The following MED12L variants were observed in gnomAD, a reference collection of about 807,000 sequenced individuals.
MED12L encodes the protein mediator of RNA polymerase II transcription subunit 12-like protein.
In MED12L, 60 loss-of-function variants were observed where a neutral mutation model predicts 281.3. The observed-to-expected ratio is 0.21, with a 90% confidence interval of 0.17 to 0.26. The LOEUF (loss-of-function observed/expected upper bound fraction) is 0.26, where lower values mean the gene tolerates loss of function less well. Among genes scored for constraint, MED12L ranks in the 10% least tolerant of loss-of-function variants. MED12L has a pLI of 1.00. For missense variants in MED12L, 2,146 were observed against 2,680.9 expected (o/e 0.80, Z 4.41); for synonymous variants, 974 against 987.2 (o/e 0.99, Z 0.25).
rs543564365 is a variant in MED12L, at chr3:151,155,596, T to G, written c.557-565T>G. On this transcript the variant is annotated intron_variant, in intron 5 of 44. Coordinates refer to ENST00000687756, the MANE Select transcript of MED12L (RefSeq NM_001393769.1). Reference sequence around the variant, plus strand: ...TGGGGCAGTGCGGGTTGGAATGCTTTCATGGTCCAGCCCGCAGTGAATGAA... The same window carrying G: ...TGGGGCAGTGCGGGTTGGAATGCTTGCATGGTCCAGCCCGCAGTGAATGAA... Among the ~76,000 whole-genome samples the G allele has an allele frequency of 5.3e-5, 8 of 152,328 alleles. No homozygotes were observed. The South Asian group carries it at 1.5e-3, about 28-fold the overall frequency.
In MED12L at chr3:151,413,134, GC is replaced by G; in HGVS notation, c.6141-3del. 1 of 1,609,748 alleles carries G rather than the reference GC, an allele frequency of 6.2e-7. No homozygotes were observed. Among genetic ancestry groups the G allele is most frequent in the Non-Finnish European group, 8.5e-7 (1 of 1,176,496 alleles). On this transcript the variant is annotated splice_polypyrimidine_tract_variant and splice_region_variant and intron_variant, in intron 41 of 44. Transcript: ENST00000687756. ...CCTGAACCAAGTTGCATTATTCTTT[GC>G]CAGACTGAACCATCAGGCTCTACAG...
chr3:151,381,995 C>T (rs942689763), intron 32 of MED12L, among the ~76,000 whole-genome samples: 2 of 152,118 alleles, frequency 1.3e-5, no homozygotes, highest in Non-Finnish European at 2.9e-5. Flanking sequence ...TTTTGAATTG[C>T]ACTTTTTTTT....
At chr3:151,140,408 C>T (rs745996189) in intron 5 of MED12L, among the ~76,000 whole-genome samples, 10 of 152,172 alleles carry the variant, frequency 6.6e-5, no homozygotes, top group South Asian at 4.1e-4. Flanking sequence ...CCTTTCTCCC[C>T]CTCCACCAGC....
intron 5 of MED12L, among the ~76,000 whole-genome samples, chr3:151,132,876 G>A (rs1715600213): frequency 6.6e-6 from 1 of 152,198 alleles, no homozygotes; most frequent in Non-Finnish European, 1.5e-5. Flanking sequence ...ATTTGGCTGT[G>A]TAGACATAGC....
chr3:151,191,709 C>G (rs541743763), intron 14 of MED12L, among the ~76,000 whole-genome samples: 21 of 152,262 alleles, frequency 1.4e-4, no homozygotes, highest in Admixed American at 1.2e-3. Flanking sequence ...GAGTTTGAGA[C>G]TAGCCTGACC....
At chr3:151,106,468 C>T (rs546214665) in intron 2 of MED12L, among the ~76,000 whole-genome samples, 1 of 151,798 alleles carries the variant, frequency 6.6e-6, no homozygotes. Flanking sequence ...GCCACCATGC[C>T]CCGCCTGATG....
chr3:151,388,161 T>A lies in MED12L; in HGVS notation c.5440T>A (p.Ser1814Thr), dbSNP rs140793301. 6.3e-7 allele frequency: 1 copy of A among 1,598,732 alleles called. No homozygotes were observed. Among genetic ancestry groups the A allele is most frequent in the Non-Finnish European group, 8.5e-7 (1 of 1,177,014 alleles). Reference protein sequence around the residue: ...KGRKRKTKSSSRVDEYPQSNI... With the variant: ...KGRKRKTKSSTRVDEYPQSNI... ...AAGGAAGCGCAAGACGAAATCTAGC[T>A]CAAGAGTTGATGTAAGTGGGGAAAG... Residue 1814 changes from serine to threonine, a missense_variant, in exon 37 of 45, where the codon TCA becomes ACA. Physicochemically the swap from Ser to Thr is moderately conservative, Grantham distance 58 (BLOSUM62 1). Transcript: ENST00000687756.
intron 16 of MED12L, chr3:151,329,389 T>C: frequency 1.4e-6 from 1 of 724,518 alleles, no homozygotes; most frequent in Admixed American, 2.8e-5. Flanking sequence ...AACTATGGTT[T>C]GTAGAATATT....
intron 14 of MED12L, among the ~76,000 whole-genome samples, chr3:151,191,404 A>C (rs551307426): frequency 6.6e-6 from 1 of 152,228 alleles, no homozygotes; most frequent in Non-Finnish European, 1.5e-5. Context: ...TCAGTTAATT[A>C]AAAGTTTAAT....
At chr3:151,193,758 C>T (rs1724278938) in intron 16 of MED12L, 92 bp downstream of exon 16, 5 of 1,153,098 alleles carry the variant, frequency 4.3e-6, no homozygotes, top group Middle Eastern at 3.0e-4. Context: ...GTATTCTTGA[C>T]TAATAATGAT....
intron 16 of MED12L, among the ~76,000 whole-genome samples, chr3:151,281,364 TGC>T (rs1697436461): frequency 6.6e-6 from 1 of 151,686 alleles, no homozygotes; most frequent in Non-Finnish European, 1.5e-5. Context: ...GAGCTGAGAT[TGC>T]GCCACTGTAC....
At chr3:151,140,933 T>A (rs935632646) in intron 5 of MED12L, among the ~76,000 whole-genome samples, 8 of 152,126 alleles carry the variant, frequency 5.3e-5, no homozygotes, top group African/African-American at 1.9e-4. Flanking sequence ...AGTGGCACGA[T>A]CTCGGCTCAC....
At chr3:151,257,944 T>A (rs920920788) in intron 16 of MED12L, among the ~76,000 whole-genome samples, 3 of 152,230 alleles carry the variant, frequency 2.0e-5, no homozygotes, top group Non-Finnish European at 4.4e-5. Context: ...CCTCTCTAGC[T>A]TCTTTTAGGC....
chr3:151,149,530 C>G (rs1023751035), intron 5 of MED12L, among the ~76,000 whole-genome samples: 6 of 151,862 alleles, frequency 4.0e-5, no homozygotes, highest in Non-Finnish European at 7.4e-5. Flanking sequence ...GAAGGTCTTG[C>G]CTCAGGGTTG....
At chr3:151,411,232 G>A (rs202155743) in intron 40 of MED12L, 46 bp from the exon 41 acceptor site, 1 of 1,533,108 alleles carries the variant, frequency 6.5e-7, no homozygotes, top group African/African-American at 1.4e-5. Context: ...GGGAAAGCTA[G>A]GTGATAAGTT....
At chr3:151,402,606 T>TG (rs1325930495) in intron 39 of MED12L, among the ~76,000 whole-genome samples, 4 of 152,206 alleles carry the variant, frequency 2.6e-5, no homozygotes, top group Admixed American at 6.5e-5. Context: ...GTTGGTCACA[T>TG]GGGGGTTCCA....
At chr3:151,311,980 T>C (rs902754761) in intron 16 of MED12L, among the ~76,000 whole-genome samples, 7 of 152,168 alleles carry the variant, frequency 4.6e-5, no homozygotes, top group Non-Finnish European at 1.0e-4. Context: ...TTGCAGAGGT[T>C]GCAGTGAGCC....
intron 16 of MED12L, among the ~76,000 whole-genome samples, chr3:151,208,943 TA>T (rs1726754819): frequency 1.3e-5 from 2 of 152,064 alleles, no homozygotes; most frequent in South Asian, 4.2e-4. Context: ...TGGAGGCTGA[TA>T]AAGAACAAAT....
At chr3:151,431,509 C>T (rs1719503873) in intron 44 of MED12L, among the ~76,000 whole-genome samples, 1 of 152,076 alleles carries the variant, frequency 6.6e-6, no homozygotes, top group African/African-American at 2.4e-5. Context: ...CATTTAATGT[C>T]AGTTAAATCA....
Sources: allele counts gnomAD v4.1 joint callset (sites outside exome capture counted in the v4.1 genomes callset), GRCh38; gene constraint gnomAD v4.1.1; transcripts MANE v1.5; gene names NCBI Gene and HGNC (gene_info 2026-07-23, HGNC 2026-07-21).